The following CNBD1 variants were observed in gnomAD, a reference collection of about 807,000 sequenced individuals.
CNBD1 encodes the protein cyclic nucleotide binding domain containing 1.
Under a neutral mutation model 54.4 loss-of-function variants are expected in CNBD1, and 71 were observed. The observed-to-expected ratio is 1.30, with a 90% confidence interval of 1.08 to 1.59. The LOEUF (loss-of-function observed/expected upper bound fraction) is 1.59, where lower values mean the gene tolerates loss of function less well. Ranked by LOEUF, CNBD1 falls within the 40% of genes most tolerant of loss-of-function variation. The pLI is 0.00. For synonymous variants in CNBD1, 182 were observed against 170.7 expected (o/e 1.07, Z -0.51); for missense variants, 659 against 518.0 (o/e 1.27, Z -2.64).
At position 87,108,488 on chromosome 8, in the gene CNBD1, C is replaced by T. The variant is rs190049837; in HGVS notation, c.432-97505C>T. On this transcript the variant is annotated intron_variant, in intron 4 of 10. Transcript: ENST00000518476. ...GGGAGATTATAAATTAGTGAATCTGCATTGTGACATGATATTTATGCATTG... is the reference window on the plus strand; with the variant it reads ...GGGAGATTATAAATTAGTGAATCTGTATTGTGACATGATATTTATGCATTG... 2.9e-3 allele frequency among the ~76,000 whole-genome samples: 447 copies of T among 152,202 alleles called. 4 individuals carry two copies. The highest frequency in any genetic ancestry group is 0.01 in the African/African-American group (420 of 41,534).
intron 8 of CNBD1, among the ~76,000 whole-genome samples, chr8:87,306,770 G>C (rs964281934): frequency 1.3e-5 from 2 of 152,054 alleles, no homozygotes; most frequent in Admixed American, 6.6e-5. Context: ...GGAAGAGTGG[G>C]AGGGGGGTGA....
At position 87,375,366 on chromosome 8, in the gene CNBD1, CA is replaced by C. The variant is rs1563576096; in HGVS notation, c.1304-7249del. On this transcript the variant is annotated intron_variant, in intron 10 of 10. Coordinates refer to ENST00000518476, the MANE Select transcript of CNBD1 (RefSeq NM_173538.3). ...AATTTAGCACATTTCAAAGAGAAAGCAAAAAGTTAGACAAACCAATAATCAA... is the reference window on the plus strand; with the variant it reads ...AATTTAGCACATTTCAAAGAGAAAGCAAAAGTTAGACAAACCAATAATCAA... 2.0e-5 allele frequency among the ~76,000 whole-genome samples: 3 copies of C among 151,732 alleles called. No homozygotes were observed. The South Asian group carries it at 6.2e-4, about 32-fold the overall frequency.
At chr8:87,002,039 C>T (rs1809003624) in intron 4 of CNBD1, among the ~76,000 whole-genome samples, 1 of 152,108 alleles carries the variant, frequency 6.6e-6, no homozygotes, top group Admixed American at 6.5e-5. Context: ...CTAAATGTGC[C>T]ATTGTACTTT....
chr8:87,359,017 A>T (rs1428043210), intron 10 of CNBD1, among the ~76,000 whole-genome samples: 1 of 152,154 alleles, frequency 6.6e-6, no homozygotes, highest in East Asian at 1.9e-4. Context: ...AATCTCTCTA[A>T]AAAACACCCT....
At position 87,106,560 on chromosome 8, in the gene CNBD1, G is replaced by T. The variant is rs1342334235; in HGVS notation, c.432-99433G>T. Among the ~76,000 whole-genome samples, 9 of 152,072 alleles carry T rather than the reference G, an allele frequency of 5.9e-5. 1 individual carries two copies. Among genetic ancestry groups the T allele is most frequent in the Non-Finnish European group, 5.9e-5 (4 of 68,014 alleles). ...TTCAGTTACTTTATAATCAAATAATGATTATTAATTTTTCTGATATTCTAG... is the reference window on the plus strand; with the variant it reads ...TTCAGTTACTTTATAATCAAATAATTATTATTAATTTTTCTGATATTCTAG... On this transcript the variant is annotated intron_variant, in intron 4 of 10. Transcript: ENST00000518476.
At chr8:87,389,015 A>G (rs1341279078) in intron 2 of CNBD1, among the ~76,000 whole-genome samples, 2 of 152,228 alleles carry the variant, frequency 1.3e-5, no homozygotes, top group African/African-American at 2.4e-5. Flanking sequence ...GATTATCTCA[A>G]TAGATGCAGA....
At chr8:87,266,063 T>A (rs1284682000) in intron 6 of CNBD1, among the ~76,000 whole-genome samples, 1 of 152,032 alleles carries the variant, frequency 6.6e-6, no homozygotes, top group Non-Finnish European at 1.5e-5. Flanking sequence ...ACATTATACA[T>A]TTTCTTTGAA....
intron 3 of CNBD1, among the ~76,000 whole-genome samples, chr8:86,928,730 G>T (rs546808204): frequency 6.6e-5 from 10 of 152,260 alleles, no homozygotes; most frequent in African/African-American, 2.4e-4. Flanking sequence ...CCCCTAGAGG[G>T]GCCTTATGAG....
chr8:87,318,102 A>T lies in CNBD1; in HGVS notation c.1042+31431A>T, dbSNP rs144536028. On this transcript the variant is annotated intron_variant, in intron 8 of 10. Transcript: ENST00000518476. Reference sequence around the variant, plus strand: ...ACTTAAAATGCTATTTTTTTCACTAACTTCATAAACATTATGGGATATGTG... The same window carrying T: ...ACTTAAAATGCTATTTTTTTCACTATCTTCATAAACATTATGGGATATGTG... Among the ~76,000 whole-genome samples the T allele has an allele frequency of 5.4e-3, 822 of 151,920 alleles. 8 individuals are homozygous for T. Among genetic ancestry groups the T allele is most frequent in the Non-Finnish European group, 9.7e-3 (658 of 67,896 alleles).
At chr8:87,103,509 G>A (rs1811473025) in intron 4 of CNBD1, among the ~76,000 whole-genome samples, 2 of 152,158 alleles carry the variant, frequency 1.3e-5, no homozygotes, top group Non-Finnish European at 2.9e-5. Context: ...AGTTCTGCAG[G>A]GCTAGAGAGG....
chr8:87,169,677 A>T (rs1458621611), intron 4 of CNBD1, among the ~76,000 whole-genome samples: 1 of 151,870 alleles, frequency 6.6e-6, no homozygotes, highest in African/African-American at 2.4e-5. Context: ...CCTTTCCCTA[A>T]TGTATGTTCT....
chr8:87,416,019 A>C (rs947488042), intron 2 of CNBD1, among the ~76,000 whole-genome samples: 4 of 152,074 alleles, frequency 2.6e-5, no homozygotes, highest in African/African-American at 9.6e-5. Flanking sequence ...ACACACACAA[A>C]AATAGATTTC....
At chr8:87,017,840 G>T (rs1261363158) in intron 4 of CNBD1, among the ~76,000 whole-genome samples, 1 of 152,184 alleles carries the variant, frequency 6.6e-6, no homozygotes, top group East Asian at 1.9e-4. Flanking sequence ...CAATATAGTT[G>T]TCTGCATAAG....
chr8:87,059,462 G>A (rs1810496343), intron 4 of CNBD1, among the ~76,000 whole-genome samples: 1 of 152,154 alleles, frequency 6.6e-6, no homozygotes, highest in South Asian at 2.1e-4. Flanking sequence ...CCTGAGACTG[G>A]GTAATTTATA....
chr8:87,387,257 A>G, downstream of CNBD1, among the ~76,000 whole-genome samples: 1 of 152,180 alleles, frequency 6.6e-6, no homozygotes, highest in Non-Finnish European at 1.5e-5. Flanking sequence ...ACATAACAAT[A>G]TTAACCTTAC....
At chr8:87,004,157 C>T (rs946760792) in intron 4 of CNBD1, among the ~76,000 whole-genome samples, 1 of 152,060 alleles carries the variant, frequency 6.6e-6, no homozygotes, top group Admixed American at 6.5e-5. Context: ...AATTTATAAA[C>T]AAAAGAGGTT....
chr8:87,213,850 G>C (rs1459538914), intron 5 of CNBD1, among the ~76,000 whole-genome samples: 3 of 152,188 alleles, frequency 2.0e-5, no homozygotes, highest in Non-Finnish European at 4.4e-5. Flanking sequence ...CCACCTGTGA[G>C]CCTGTAAAAT....
intron 2 of CNBD1, among the ~76,000 whole-genome samples, chr8:87,416,949 A>T (rs977230810): frequency 6.6e-6 from 1 of 152,202 alleles, no homozygotes; most frequent in African/African-American, 2.4e-5. Context: ...CCAGAAATGC[A>T]GTCTGTATCT....
chr8:87,397,112 C>T (rs1811421401), intron 2 of CNBD1, among the ~76,000 whole-genome samples: 1 of 151,614 alleles, frequency 6.6e-6, no homozygotes, highest in Non-Finnish European at 1.5e-5. Context: ...TTTACAGTAC[C>T]AGCTTTGTAT....
Sources: allele counts gnomAD v4.1 joint callset (sites outside exome capture counted in the v4.1 genomes callset), GRCh38; gene constraint gnomAD v4.1.1; transcripts MANE v1.5; gene names NCBI Gene and HGNC (gene_info 2026-07-23, HGNC 2026-07-21).